UBXN4: variants seen among roughly 807,000 people sequenced by gnomAD.
UBXN4 encodes the protein UBX domain protein 4.
In UBXN4, 35 loss-of-function variants were observed where a neutral mutation model predicts 66.2. The ratio of observed to expected loss-of-function variants is 0.53; its 90% CI spans 0.40 to 0.70. The LOEUF (loss-of-function observed/expected upper bound fraction) is 0.70. Among genes scored for constraint, UBXN4 ranks in the 30% least tolerant of loss-of-function variants. The pLI is 0.00. For synonymous variants in UBXN4, 203 were observed against 204.5 expected (o/e 0.99, Z 0.06); for missense variants, 533 against 599.8 (o/e 0.89, Z 1.16).
chr2:135,758,988 A>T (rs539679338), intron 5 of UBXN4, among the ~76,000 whole-genome samples: 1 of 152,202 alleles, frequency 6.6e-6, no homozygotes, highest in African/African-American at 2.4e-5. Context: ...CGAACTCCTG[A>T]CCTCAGGTGA....
rs1325542249 is a variant in UBXN4 at position 135,784,535 on chromosome 2, AC to A, written c.*1651del. The A allele has an allele frequency of 1.3e-5, 2 of 152,474 alleles. No homozygotes were observed. The highest frequency in any genetic ancestry group is 2.9e-5 in the Non-Finnish European group (2 of 68,030). 9.4% of individuals were successfully genotyped at this position (152,474 alleles called of 1,614,324 possible). On this transcript the variant is annotated 3_prime_UTR_variant, in exon 13 of 13. Transcript: ENST00000272638. Reference sequence around the variant, plus strand: ...ATGTGATTTTAGTGGTATTTTTGGCACCCTTATATATGTTTTCCAAACTTTC... The same window carrying A: ...ATGTGATTTTAGTGGTATTTTTGGCACCTTATATATGTTTTCCAAACTTTC...
At chr2:135,755,030 C>T (rs984032729) in intron 4 of UBXN4, among the ~76,000 whole-genome samples, 1 of 152,126 alleles carries the variant, frequency 6.6e-6, no homozygotes, top group Non-Finnish European at 1.5e-5. Context: ...GTGATCTGCC[C>T]GCCTTGACCT....
In UBXN4 at chr2:135,755,590, C is replaced by T. The variant is rs372855836; in HGVS notation, c.407C>T (p.Ala136Val). 234 of 1,610,056 alleles carry T rather than the reference C, an allele frequency of 1.5e-4. 1 individual carries two copies. The South Asian group carries it at 1.8e-3, about 12-fold the overall frequency. Residue 136 changes from alanine (A) to valine (V), a missense_variant, in exon 5 of 13, where the codon GCG becomes GTG. Around this residue, in one of 2 missense-constraint regions of UBXN4, gnomAD observed 529 missense variants for 580.1 expected, o/e 0.91. Transcript: ENST00000272638. ...QSESSVSTPS[A>V]SFEPNNTCEN... ...GAAAGTTCAGTGTCTACTCCATCTGCGTCATTTGAACCTAACAACACTTGT... is the reference window on the plus strand; with the variant it reads ...GAAAGTTCAGTGTCTACTCCATCTGTGTCATTTGAACCTAACAACACTTGT...
chr2:135,756,387 C>T (rs2077278666), intron 5 of UBXN4, among the ~76,000 whole-genome samples: 1 of 152,164 alleles, frequency 6.6e-6, no homozygotes, highest in South Asian at 2.1e-4. Context: ...TGCTAGGAAG[C>T]CTGTTCTGTT....
At chr2:135,759,054 A>G (rs1437802013) in intron 5 of UBXN4, among the ~76,000 whole-genome samples, 1 of 152,210 alleles carries the variant, frequency 6.6e-6, no homozygotes, top group East Asian at 1.9e-4. Context: ...CACTGCGCCC[A>G]GCCAAAATAA....
chr2:135,748,973 T>C (rs2077226353), intron 2 of UBXN4, among the ~76,000 whole-genome samples: 1 of 151,882 alleles, frequency 6.6e-6, no homozygotes, highest in African/African-American at 2.4e-5. Context: ...GAGGTTGAAG[T>C]TGAGGCTGCA....
chr2:135,778,962 T>G lies in UBXN4; in HGVS notation c.1068T>G (p.Thr356=), dbSNP rs775025311. 5.0e-6 allele frequency: 8 copies of G among 1,612,732 alleles called. No individual in the cohort carries two copies. The South Asian group carries it at 7.7e-5, about 16-fold the overall frequency. The change falls in exon 11 of 13, where the codon ACT becomes ACG. Residue 356 remains threonine (T), a synonymous_variant. Coordinates refer to ENST00000272638, the MANE Select transcript of UBXN4 (RefSeq NM_014607.4). ...RQFAAQTVGN[T]YGNFSLATMF... ...TTATTTTACAGACTGTTGGCAACAC[T>G]TACGGTAATTTTTCGTTAGCAACCA...
rs991985709 is a variant in UBXN4, at chr2:135,783,968, C to G, written c.*1081C>G. 3 of 152,130 alleles carry G rather than the reference C, an allele frequency of 2.0e-5. No individual in the cohort carries two copies. Among genetic ancestry groups the G allele is most frequent in the Non-Finnish European group, 4.4e-5 (3 of 68,020 alleles). The allele number at this position is 152,130 out of a possible 1,614,324, so 9.4% of individuals were successfully genotyped here. On this transcript the variant is annotated 3_prime_UTR_variant, in exon 13 of 13. Coordinates refer to ENST00000272638, the MANE Select transcript of UBXN4 (RefSeq NM_014607.4). The stretch of plus-strand genomic sequence containing the variant: ...ACTCTAGAGTGGACATACGGAAAGA[C>G]TGTGACTTTATTTTGTAATGGGAGG...
At position 135,748,724 on chromosome 2, in the gene UBXN4, C is replaced by CA. The variant is rs34276326; in HGVS notation, c.185+371dup. On this transcript the variant is annotated intron_variant, in intron 2 of 12. Transcript: ENST00000272638. ...TGGGTGACAGAGTCAAACTCTGTCT[C>CA]AAAAAAAAAAAAAAAAGAATATAGG... 5.7e-4 allele frequency among the ~76,000 whole-genome samples: 75 copies of CA among 131,814 alleles called. 1 individual carries two copies. The highest frequency in any genetic ancestry group is 4.9e-3 in the Middle Eastern group (1 of 204). 86.5% of individuals were successfully genotyped at this position (131,814 alleles called of 152,430 possible).
chr2:135,761,682 CCTT>C (rs2077317068), intron 5 of UBXN4, 133 bp from the exon 6 acceptor site: 2 of 679,494 alleles, frequency 2.9e-6, no homozygotes, highest in Non-Finnish European at 2.3e-6. Flanking sequence ...ATATTTAGCT[CCTT>C]CTCCATTTTT....
In UBXN4 at chr2:135,776,792, A is replaced by G. The variant is rs529959901; in HGVS notation, c.1053+441A>G. On this transcript the variant is annotated intron_variant, in intron 10 of 12. Coordinates refer to ENST00000272638, the MANE Select transcript of UBXN4 (RefSeq NM_014607.4). The stretch of plus-strand genomic sequence containing the variant: ...GTACTTTTTGTAGAGACAGGGTTTC[A>G]CCATGTAGCCGGGCTGGTCTTGAAC... Among the ~76,000 whole-genome samples the G allele has an allele frequency of 4.6e-5, 7 of 152,068 alleles. No individual in the cohort carries two copies. The East Asian group carries it at 1.2e-3, about 25-fold the overall frequency.
intron 2 of UBXN4, 142 bp downstream of exon 2, chr2:135,748,511 C>A: frequency 2.0e-6 from 1 of 496,050 alleles, no homozygotes; most frequent in Non-Finnish European, 3.2e-6. Context: ...GGGAGGATCG[C>A]TTGAGCCCAG....
chr2:135,778,807 C>G (rs557093955), intron 10 of UBXN4, 141 bp from the exon 11 acceptor site: 159 of 944,780 alleles, frequency 1.7e-4, no homozygotes, highest in Non-Finnish European at 2.1e-4. Context: ...GCTGGAAGCA[C>G]AATTTTATAC....
At position 135,769,812 on chromosome 2, in the gene UBXN4, G is replaced by A; in HGVS notation, c.646G>A (p.Glu216Lys). The change falls in exon 7 of 13, where the codon GAG becomes AAG. Residue 216 changes from glutamate (E) to lysine (K), a missense_variant. Glu to Lys is a moderately conservative substitution (Grantham distance 56, BLOSUM62 1). Coordinates refer to ENST00000272638, the MANE Select transcript of UBXN4 (RefSeq NM_014607.4). ...LEERREEKRKEEEQREIKKEI... is the reference protein window; with the variant it reads ...LEERREEKRKKEEQREIKKEI... ...AGAAAGGAGAGAAGAGAAAAGAAAAGAGGAAGAACAGGTAAAGTTCATGCA... is the reference window on the plus strand; with the variant it reads ...AGAAAGGAGAGAAGAGAAAAGAAAAAAGGAAGAACAGGTAAAGTTCATGCA... The A allele has an allele frequency of 6.3e-7, 1 of 1,595,790 alleles. No homozygotes were observed. The highest frequency in any genetic ancestry group is 8.5e-7 in the Non-Finnish European group (1 of 1,173,328).
chr2:135,755,375 A>G lies in UBXN4; in HGVS notation c.334-142A>G, dbSNP rs921893130. On this transcript the variant is annotated intron_variant, in intron 4 of 12. Transcript: ENST00000272638. ...ATGTGATTATATCATACTTAGGATT[A>G]TACATTTTGGATTCATCTATTTATG... 1.0e-4 allele frequency: 54 copies of G among 526,766 alleles called. 1 individual carries two copies. The African/African-American group carries it at 1.0e-3, about 10-fold the overall frequency. The allele number at this position is 526,766 out of a possible 1,614,324, so 32.6% of individuals were successfully genotyped here.
intron 12 of UBXN4, 147 bp from the exon 13 acceptor site, chr2:135,782,602 A>G: frequency 1.1e-6 from 1 of 901,824 alleles, no homozygotes; most frequent in Non-Finnish European, 1.7e-6. Flanking sequence ...GTTAGTAGAT[A>G]TAATGGTCTC....
At chr2:135,762,012 T>C (rs1028843057) in intron 6 of UBXN4, 101 bp downstream of exon 6, 2 of 1,257,256 alleles carry the variant, frequency 1.6e-6, no homozygotes, top group African/African-American at 3.0e-5. Context: ...AAATGAAGTT[T>C]TAGAATTCTG....
In UBXN4 at chr2:135,778,984, A is replaced by G. The variant is rs1274890409; in HGVS notation, c.1090A>G (p.Thr364Ala). The change falls in exon 11 of 13, where the codon ACC becomes GCC. Residue 364 changes from threonine (T) to alanine (A), a missense_variant. Physicochemically the swap from Thr to Ala is moderately conservative, Grantham distance 58. Around this residue, in one of 2 missense-constraint regions of UBXN4, gnomAD observed 529 missense variants for 580.1 expected, o/e 0.91. Coordinates refer to ENST00000272638, the MANE Select transcript of UBXN4 (RefSeq NM_014607.4). The part of the protein sequence containing the change: ...GNTYGNFSLA[T>A]MFPRREFTKE... ...CACTTACGGTAATTTTTCGTTAGCAACCATGTTTCCCAGGAGGGAATTTAC... is the reference window on the plus strand; with the variant it reads ...CACTTACGGTAATTTTTCGTTAGCAGCCATGTTTCCCAGGAGGGAATTTAC... 6.2e-7 allele frequency: 1 copy of G among 1,613,202 alleles called. No homozygotes were observed. The highest frequency in any genetic ancestry group is 1.3e-5 in the African/African-American group (1 of 74,902).
chr2:135,762,631 T>G (rs1300338549), intron 6 of UBXN4, among the ~76,000 whole-genome samples: 6 of 151,960 alleles, frequency 3.9e-5, no homozygotes, highest in African/African-American at 1.5e-4. Context: ...TTGAGTTTGC[T>G]TGTGACTCAG....
Sources: gnomAD v4.1 joint callset for allele counts (sites outside exome capture counted in the v4.1 genomes callset) on GRCh38, gnomAD v4.1.1 for gene constraint, gnomAD v4.1.1 regional missense constraint, MANE v1.5 for transcripts, NCBI Gene and HGNC (gene_info 2026-07-23, HGNC 2026-07-21) for gene names.